The following SCRT2 variants were observed in gnomAD, a reference collection of about 807,000 sequenced individuals.
The protein encoded by SCRT2 is scratch family transcriptional repressor 2.
Under a neutral mutation model 3.7 loss-of-function variants are expected in SCRT2, and 2 were observed. That is an observed-to-expected ratio of 0.54 (90% CI 0.22 to 1.70). The LOEUF is 1.70. Among genes scored for constraint, SCRT2 ranks in the 40% most tolerant of loss-of-function variants. The probability of loss-of-function intolerance (pLI) is 0.19; values close to 1 mark genes in which losing one functional copy is unlikely to be tolerated. For synonymous variants in SCRT2, 256 were observed against 220.6 expected (o/e 1.16, Z -1.42); for missense variants, 456 against 468.5 (o/e 0.97, Z 0.25).
At chr20:674,175 A>T (rs1173432538) in intron 1 of SCRT2, among the ~76,000 whole-genome samples, 4 of 152,108 alleles carry the variant, frequency 2.6e-5, no homozygotes, top group African/African-American at 7.2e-5. Flanking sequence ...GAGGTCACAA[A>T]GCCCTTTGCC....
chr20:672,620 C>T (rs1034248131), intron 1 of SCRT2, among the ~76,000 whole-genome samples: 5 of 151,798 alleles, frequency 3.3e-5, no homozygotes, highest in African/African-American at 1.2e-4. Context: ...AGGTTTCCCT[C>T]CCGCCAGCCT....
intron 1 of SCRT2, among the ~76,000 whole-genome samples, chr20:670,214 A>C (rs1984286754): frequency 6.6e-6 from 1 of 152,136 alleles, no homozygotes; most frequent in Non-Finnish European, 1.5e-5. Flanking sequence ...GGGTTCGTAG[A>C]GTTGCCTCCT....
chr20:668,721 A>C (rs1984235463), intron 1 of SCRT2, among the ~76,000 whole-genome samples: 1 of 152,194 alleles, frequency 6.6e-6, no homozygotes, highest in East Asian at 1.9e-4. Flanking sequence ...TTTTAGACTG[A>C]AGGTCCAGAA....
In SCRT2 at chr20:664,200, G is replaced by T; in HGVS notation, c.395C>A (p.Ser132Ter). The T allele has an allele frequency of 9.6e-7, 1 of 1,037,310 alleles. No homozygotes were observed. Among genetic ancestry groups the T allele is most frequent in the South Asian group, 4.5e-5 (1 of 22,258 alleles). 64.3% of individuals were successfully genotyped at this position (1,037,310 alleles called of 1,614,324 possible). ...RGGGGGDAGG[S>*]GDAGGAGGRA... ...CCCCCCGGCGCCCCCCGCGTCTCCC[G>T]AGCCCCCCGCGTCCCCGCCGCCCCC... Residue 132 changes from serine to a stop codon, truncating the protein, a stop_gained, in exon 2 of 2, where the codon TCG becomes TAG. Coordinates refer to ENST00000246104, the MANE Select transcript of SCRT2 (RefSeq NM_033129.4). LOFTEE classifies it low-confidence loss of function (END_TRUNC). The surrounding 1 kb of genome is among the most constrained non-coding windows in gnomAD (Gnocchi z 7.9).
Position 663,624 on chromosome 20 carries a change from G to C in SCRT2, c.*47C>G, listed in dbSNP as rs1312452015. ...CGCTGCGGGCGCAGGTAGGGGGCCC[G>C]GGGCGCGTGGAGAGCGAGTTCCGGG... On this transcript the variant is annotated 3_prime_UTR_variant, in exon 2 of 2. Transcript: ENST00000246104. The surrounding 1 kb of genome is among the most constrained non-coding windows in gnomAD (Gnocchi z 6.9). The C allele has an allele frequency of 1.6e-5, 21 of 1,333,332 alleles. No individual in the cohort carries two copies. Among genetic ancestry groups the C allele is most frequent in the Non-Finnish European group, 2.0e-5 (21 of 1,048,612 alleles). The allele number at this position is 1,333,332 out of a possible 1,614,324, so 82.6% of individuals were successfully genotyped here.
intron 1 of SCRT2, among the ~76,000 whole-genome samples, chr20:670,894 A>C (rs1257614725): frequency 2.0e-5 from 3 of 152,100 alleles, no homozygotes; most frequent in Non-Finnish European, 4.4e-5. Context: ...CCACACTTCC[A>C]CTGAGCCCTG....
chr20:675,475 C>G lies in SCRT2; in HGVS notation c.127G>C (p.Asp43His). 2.2e-6 allele frequency: 3 copies of G among 1,344,688 alleles called. No individual in the cohort carries two copies. Among genetic ancestry groups the G allele is most frequent in the Non-Finnish European group, 2.9e-6 (3 of 1,043,350 alleles). 83.3% of individuals were successfully genotyped at this position (1,344,688 alleles called of 1,614,324 possible). ...VLPGARGPPG[D>H]NGYAPHRLPP... ...CCCGCCGGGTCCCACTCACCGTTGT[C>G]CCCGGGAGGCCCCCGGGCGCCAGGC... is the stretch of plus-strand genomic sequence containing the variant. The change falls in exon 1 of 2, where the codon GAC becomes CAC. Residue 43 changes from aspartate to histidine, a missense_variant. This residue lies in a region of SCRT2 where 306 missense variants were observed against 305.3 expected (regional missense o/e 1.00). Transcript: ENST00000246104. The surrounding 1 kb of genome is among the most constrained non-coding windows in gnomAD (Gnocchi z 6.9).
Position 675,639 on chromosome 20 carries a change from C to T in SCRT2, c.-38G>A. 1.6e-6 allele frequency: 2 copies of T among 1,248,456 alleles called. No individual in the cohort carries two copies. Among genetic ancestry groups the T allele is most frequent in the Non-Finnish European group, 2.0e-6 (2 of 987,042 alleles). 77.3% of individuals were successfully genotyped at this position (1,248,456 alleles called of 1,614,324 possible). Reference sequence around the variant, plus strand: ...GCGGGGCTCGGTGCGGGGAGGCGGCCGGCCGGGCGCGATCGGCTGTGTCCG... The same window carrying T: ...GCGGGGCTCGGTGCGGGGAGGCGGCTGGCCGGGCGCGATCGGCTGTGTCCG... On this transcript the variant is annotated 5_prime_UTR_variant, in exon 1 of 2. Coordinates refer to ENST00000246104, the MANE Select transcript of SCRT2 (RefSeq NM_033129.4). This position sits in a 1 kb window ranked among gnomAD's most constrained non-coding sequence, Gnocchi z 6.9.
At chr20:669,672 G>A (rs1158877943) in intron 1 of SCRT2, among the ~76,000 whole-genome samples, 1 of 152,252 alleles carries the variant, frequency 6.6e-6, no homozygotes, top group Non-Finnish European at 1.5e-5. Context: ...CTGTGCCAGG[G>A]CCTCGGGCCT....
In SCRT2 at chr20:661,901, G is replaced by C. The variant is rs1374730416; in HGVS notation, c.*1770C>G. ...GCCCATTCACCCCTCTGGAGCCCTA[G>C]GGAAGTGCCCCTGCTGCAGGGGTGC... is the stretch of plus-strand genomic sequence containing the variant. On this transcript the variant is annotated 3_prime_UTR_variant, in exon 2 of 2. Coordinates refer to ENST00000246104, the MANE Select transcript of SCRT2 (RefSeq NM_033129.4). The C allele has an allele frequency of 6.5e-6, 1 of 152,674 alleles. No homozygotes were observed. The highest frequency in any genetic ancestry group is 1.5e-5 in the Non-Finnish European group (1 of 68,070). The allele number at this position is 152,674 out of a possible 1,614,324, so 9.5% of individuals were successfully genotyped here. A position where few individuals can be genotyped will look rare whatever the true frequency, so the allele number is the denominator to read the frequency against.
rs896293929 is a variant in SCRT2 at position 675,728 on chromosome 20, C to CA, written c.-128dup. The CA allele has an allele frequency of 1.7e-4, 97 of 579,570 alleles. No homozygotes were observed. In the African/African-American group the frequency reaches 1.8e-3, roughly 11 times the overall value. 35.9% of individuals were successfully genotyped at this position (579,570 alleles called of 1,614,324 possible). On this transcript the variant is annotated 5_prime_UTR_variant, in exon 1 of 2. Transcript: ENST00000246104. This position sits in a 1 kb window ranked among gnomAD's most constrained non-coding sequence, Gnocchi z 6.9. The stretch of plus-strand genomic sequence containing the variant: ...AGCGCGGGAGGCCGCTCGGAGCCGG[C>CA]ACCGGTGGCGGCGGCCCCGGCTCGG...
chr20:673,502 A>G (rs1984411612), intron 1 of SCRT2, among the ~76,000 whole-genome samples: 1 of 152,204 alleles, frequency 6.6e-6, no homozygotes, highest in South Asian at 2.1e-4. Flanking sequence ...TCTGGCTATC[A>G]GCACAGCCTC....
chr20:663,613 G>A lies in SCRT2; in HGVS notation c.*58C>T, dbSNP rs1984033542. On this transcript the variant is annotated 3_prime_UTR_variant, in exon 2 of 2. Coordinates refer to ENST00000246104, the MANE Select transcript of SCRT2 (RefSeq NM_033129.4). The surrounding 1 kb of genome is among the most constrained non-coding windows in gnomAD (Gnocchi z 6.9). ...CTGGGCGAGGGCGCTGCGGGCGCAG[G>A]TAGGGGGCCCGGGGCGCGTGGAGAG... The A allele has an allele frequency of 3.8e-6, 5 of 1,304,982 alleles. No homozygotes were observed. Among genetic ancestry groups the A allele is most frequent in the African/African-American group, 1.6e-5 (1 of 64,100 alleles). 80.8% of individuals were successfully genotyped at this position (1,304,982 alleles called of 1,614,324 possible). A position where few individuals can be genotyped will look rare whatever the true frequency, so the allele number is the denominator to read the frequency against.
chr20:673,773 G>C (rs1166755210), intron 1 of SCRT2, among the ~76,000 whole-genome samples: 1 of 152,212 alleles, frequency 6.6e-6, no homozygotes, highest in African/African-American at 2.4e-5. Flanking sequence ...AATTCTCTGG[G>C]CTTCTCTGGG....
chr20:663,237 T>G lies in SCRT2; in HGVS notation c.*434A>C. The G allele has an allele frequency of 6.0e-6, 1 of 167,222 alleles. No individual in the cohort carries two copies. The highest frequency in any genetic ancestry group is 1.3e-5 in the Non-Finnish European group (1 of 78,786). The allele number at this position is 167,222 out of a possible 1,614,324, so 10.4% of individuals were successfully genotyped here. A position where few individuals can be genotyped will look rare whatever the true frequency, so the allele number is the denominator to read the frequency against. The stretch of plus-strand genomic sequence containing the variant: ...GAGGCAGGTATGGGCGTCAAGGGTA[T>G]AGGTTTGCGGCTTTCATTGGGGGCT... On this transcript the variant is annotated 3_prime_UTR_variant, in exon 2 of 2. Transcript: ENST00000246104. This position sits in a 1 kb window ranked among gnomAD's most constrained non-coding sequence, Gnocchi z 6.9.
Position 664,206 on chromosome 20 carries a change from C to T in SCRT2, c.389G>A (p.Gly130Glu), listed in dbSNP as rs1470886286. 8.4e-6 allele frequency: 10 copies of T among 1,183,710 alleles called. No individual in the cohort carries two copies. Among genetic ancestry groups the T allele is most frequent in the Non-Finnish European group, 1.0e-5 (10 of 955,248 alleles). 73.3% of individuals were successfully genotyped at this position (1,183,710 alleles called of 1,614,324 possible). A position where few individuals can be genotyped will look rare whatever the true frequency, so the allele number is the denominator to read the frequency against. ...GGCGCCCCCCGCGTCTCCCGAGCCC[C>T]CCGCGTCCCCGCCGCCCCCGCCCCG... ...RRRGGGGGDA[G>E]GSGDAGGAGG... The change falls in exon 2 of 2, where the codon GGG becomes GAG. Residue 130 changes from glycine to glutamate, a missense_variant. Gly to Glu is a moderately conservative substitution (Grantham distance 98). This residue lies in a region of SCRT2 where 306 missense variants were observed against 305.3 expected (regional missense o/e 1.00). Transcript: ENST00000246104. The surrounding 1 kb of genome is among the most constrained non-coding windows in gnomAD (Gnocchi z 7.9).
rs559574145 is a variant in SCRT2 at position 663,947 on chromosome 20, G to A, written c.648C>T (p.Val216=). ...LTHNLRHKCG[V]CGKAFSRPWL... ...AGGGCCGCGAGAAGGCCTTGCCGCA[G>A]ACGCCGCACTTGTGGCGCAGGTTGT... Residue 216 remains valine (V), a synonymous_variant, in exon 2 of 2, where the codon GTC becomes GTT. Transcript: ENST00000246104. The surrounding 1 kb of genome is among the most constrained non-coding windows in gnomAD (Gnocchi z 6.9). 7.1e-5 allele frequency: 115 copies of A among 1,609,546 alleles called. 1 individual carries two copies. In the South Asian group the frequency reaches 1.1e-3, roughly 15 times the overall value.
rs1391747012 is a variant in SCRT2, at chr20:665,793, G to A, written c.134-1332C>T. On this transcript the variant is annotated intron_variant, in intron 1 of 1. Transcript: ENST00000246104. The surrounding 1 kb of genome is among the most constrained non-coding windows in gnomAD (Gnocchi z 5.0). The stretch of plus-strand genomic sequence containing the variant: ...GTTTGGGAGGTTTCCCACCTGGGGA[G>A]TGGGATTTGACCTTCTCCTGGTGAC... 3.3e-5 allele frequency among the ~76,000 whole-genome samples: 5 copies of A among 152,182 alleles called. No homozygotes were observed. The highest frequency in any genetic ancestry group is 1.2e-4 in the African/African-American group (5 of 41,428).
intron 1 of SCRT2, among the ~76,000 whole-genome samples, chr20:673,720 C>T (rs1984419037): frequency 6.6e-6 from 1 of 152,200 alleles, no homozygotes; most frequent in Non-Finnish European, 1.5e-5. Context: ...ATTCTCTTGC[C>T]TCCCTCCTGA....
Sources: allele counts gnomAD v4.1 joint callset (sites outside exome capture counted in the v4.1 genomes callset), GRCh38; gene constraint gnomAD v4.1.1; regional missense constraint gnomAD v4.1.1; non-coding constraint Gnocchi (gnomAD v3.1); transcripts MANE v1.5; gene names NCBI Gene and HGNC (gene_info 2026-07-23, HGNC 2026-07-21).